Variants in UBA1 observed in about 807,000 individuals in gnomAD.
UBA1 encodes the protein ubiquitin-like modifier-activating enzyme 1.
A neutral mutation model predicts 84.7 loss-of-function variants in UBA1; 4 were observed. The observed-to-expected ratio is 0.05, with a 90% CI of 0.02 to 0.11. UBA1 has a LOEUF of 0.11. UBA1 is among the 10% of genes least tolerant of loss of function. The probability of loss-of-function intolerance (pLI) is 1.00; values close to 1 mark genes in which losing one functional copy is unlikely to be tolerated. For missense variants in UBA1, 513 were observed against 902.8 expected (o/e 0.57, Z 5.53); for synonymous variants, 364 against 362.6 (o/e 1.00, Z -0.04).
intron 1 of UBA1, among the ~76,000 whole-genome samples, chrX:47,195,651 C>T (rs1556785290): frequency 9.0e-6 from 1 of 111,258 alleles, no homozygotes; most frequent in Non-Finnish European, 1.9e-5. Flanking sequence ...AAACCCAACC[C>T]CATTTGGGGA....
chrX:47,198,117 C>A (rs1229041954), intron 1 of UBA1: 21 of 910,045 alleles, frequency 2.3e-5, no homozygotes, highest in Non-Finnish European at 2.8e-5. Context: ...AAGCTGGGGG[C>A]AGGGTTGGGC....
At position 47,204,139 on chromosome X, in the gene UBA1, G is replaced by GT. The variant is rs55829376; in HGVS notation, c.1575+471dup. Reference sequence around the variant, plus strand: ...TTGGCCTTTCTTTCCCTCAGCTTCTGTTTTTTTTTTTTTTTTTTTTTTTTT... The same window carrying GT: ...TTGGCCTTTCTTTCCCTCAGCTTCTGTTTTTTTTTTTTTTTTTTTTTTTTTT... On this transcript the variant is annotated intron_variant, in intron 14 of 25. Transcript: ENST00000335972. Among the ~76,000 whole-genome samples the GT allele has an allele frequency of 9.7e-3, 163 of 16,877 alleles. 29 individuals are homozygous for GT. Among genetic ancestry groups the GT allele is most frequent in the African/African-American group, 0.024 (93 of 3,862 alleles). The allele number at this position is 16,877 out of a possible 115,157, so 14.7% of individuals were successfully genotyped here.
chrX:47,200,365 A>G (rs1184216192), intron 5 of UBA1, among the ~76,000 whole-genome samples: 2 of 112,362 alleles, frequency 1.8e-5, no homozygotes, highest in African/African-American at 6.5e-5. Flanking sequence ...TCCAGGCCGG[A>G]AAGAGGTGCT....
rs1556786569 is a variant in UBA1 at position 47,199,126 on chromosome X, G to T, written c.176+20G>T. 1 of 1,212,478 alleles carries T rather than the reference G, an allele frequency of 8.2e-7. No homozygotes were observed. The highest frequency in any genetic ancestry group is 1.1e-6 in the Non-Finnish European group (1 of 895,648). ...GCAGCTGTAAGTGGGGCCAAGGCCG[G>T]GCTGAGGGGTGTGGAATGGGACATT... On this transcript the variant is annotated intron_variant, in intron 3 of 25. Coordinates refer to ENST00000335972, the MANE Select transcript of UBA1 (RefSeq NM_003334.4).
intron 1 of UBA1, among the ~76,000 whole-genome samples, chrX:47,195,381 C>A (rs1936167733): frequency 9.0e-6 from 1 of 111,464 alleles, no homozygotes; most frequent in Non-Finnish European, 1.9e-5. Flanking sequence ...TCCCGAGTAG[C>A]TGGGATTACA....
intron 18 of UBA1, 138 bp downstream of exon 18, chrX:47,210,261 T>C (rs1936865388): frequency 1.4e-6 from 1 of 730,120 alleles, no homozygotes; most frequent in Non-Finnish European, 2.1e-6. Context: ...TGATTGATCC[T>C]GACCTGCTTT....
At chrX:47,197,269 G>A in intron 1 of UBA1, 1 of 754,852 alleles carries the variant, frequency 1.3e-6, no homozygotes, top group Non-Finnish European at 1.6e-6. Context: ...GAGTGAATGG[G>A]GTTCTCTAAG....
intron 16 of UBA1, among the ~76,000 whole-genome samples, chrX:47,207,970 C>T (rs1936741289): frequency 8.9e-6 from 1 of 112,270 alleles, no homozygotes; most frequent in African/African-American, 3.2e-5. Flanking sequence ...GTAGGTATCA[C>T]TGTTGTAACA....
At chrX:47,199,169 T>G (rs782615399) in intron 3 of UBA1, 40 bp from the exon 4 acceptor site, 5 of 1,210,420 alleles carry the variant, frequency 4.1e-6, no homozygotes, top group Non-Finnish European at 5.6e-6. Context: ...TAAGGTTGGG[T>G]GGGGCAGGCC....
intron 16 of UBA1, chrX:47,208,548 G>T (rs1556792165): frequency 9.0e-6 from 1 of 111,465 alleles, no homozygotes; most frequent in Non-Finnish European, 1.9e-5. Flanking sequence ...TTAAAAAACT[G>T]TGGTAAGATA....
In UBA1 at chrX:47,214,572, G is replaced by A. The variant is rs73486233; in HGVS notation, c.2976G>A (p.Gln992=). 8.3e-7 allele frequency: 1 copy of A among 1,209,434 alleles called. No individual in the cohort carries two copies. Among genetic ancestry groups the A allele is most frequent in the African/African-American group, 1.8e-5 (1 of 57,055 alleles). ...EHKLEITMLS[Q]GVSMLYSFFM... Reference sequence around the variant, plus strand: ...AATTAGAGATCACCATGCTGTCCCAGGGCGTGTCCATGCTCTATTCCTTCT... The same window carrying A: ...AATTAGAGATCACCATGCTGTCCCAAGGCGTGTCCATGCTCTATTCCTTCT... Residue 992 remains glutamine, a synonymous_variant, in exon 25 of 26, where the codon CAG becomes CAA. Coordinates refer to ENST00000335972, the MANE Select transcript of UBA1 (RefSeq NM_003334.4).
rs1936856047 is a variant in UBA1, at chrX:47,210,015, G to A, written c.2091G>A (p.Leu697=). Residue 697 remains leucine (L), a synonymous_variant, in exon 18 of 26, where the codon CTG becomes CTA. Coordinates refer to ENST00000335972, the MANE Select transcript of UBA1 (RefSeq NM_003334.4). Reference sequence around the variant, plus strand: ...AGGCTGTGCAGCGCAGCCTGGTGCTGCAGCGACCACAGACCTGGGCTGACT... The same window carrying A: ...AGGCTGTGCAGCGCAGCCTGGTGCTACAGCGACCACAGACCTGGGCTGACT... ...VLEAVQRSLV[L]QRPQTWADCV... 1.6e-6 allele frequency: 2 copies of A among 1,212,236 alleles called. No homozygotes were observed. The highest frequency in any genetic ancestry group is 3.5e-5 in the South Asian group (2 of 57,034).
Position 47,212,476 on chromosome X carries a change from C to A in UBA1, c.2517C>A (p.Leu839=), listed in dbSNP as rs782184171. The A allele has an allele frequency of 9.9e-6, 12 of 1,209,043 alleles. No homozygotes were observed. The highest frequency in any genetic ancestry group is 1.3e-5 in the Non-Finnish European group (12 of 894,660). Residue 839 remains leucine, a synonymous_variant, in exon 21 of 26, where the codon CTC becomes CTA. Transcript: ENST00000335972. ...LKATLPSPDK[L]PGFKMYPIDF... ...CCACTCTGCCCAGCCCAGACAAGCT[C>A]CCTGGATTCAAGATGTACCCCATTG...
chrX:47,191,667 C>G (rs1285388466), upstream of UBA1: 1 of 112,062 alleles, frequency 8.9e-6, no homozygotes, highest in African/African-American at 3.2e-5. Context: ...ATCAGCGTGC[C>G]GAAGGGACGT....
chrX:47,208,272 C>CGTGTGTGT (rs144601357), intron 16 of UBA1, among the ~76,000 whole-genome samples: 1 of 106,441 alleles, frequency 9.4e-6, no homozygotes, highest in African/African-American at 3.4e-5. Context: ...AGTGTCTGTA[C>CGTGTGTGT]GTGTGTGTGT....
At position 47,211,028 on chromosome X, in the gene UBA1, T is replaced by C; in HGVS notation, c.2275-8T>C. 8.3e-7 allele frequency: 1 copy of C among 1,211,412 alleles called. No homozygotes were observed. Among genetic ancestry groups the C allele is most frequent in the Non-Finnish European group, 1.1e-6 (1 of 895,382 alleles). On this transcript the variant is annotated splice_polypyrimidine_tract_variant and splice_region_variant and intron_variant, in intron 19 of 25. Transcript: ENST00000335972. ...GTGCTCACCCTTCCCTGCCCTGCCT[T>C]CTCCTAGCCCCTGCATCTGGACTAT... is the stretch of plus-strand genomic sequence containing the variant.
At chrX:47,212,387 G>A (rs1014272004) in intron 20 of UBA1, 37 bp from the exon 21 acceptor site, 2 of 1,050,418 alleles carry the variant, frequency 1.9e-6, no homozygotes, top group African/African-American at 1.8e-5. Flanking sequence ...CTTAGCCTGG[G>A]ATCTAAAGGG....
At chrX:47,211,345 AC>A in intron 20 of UBA1, 120 bp downstream of exon 20, 1 of 817,926 alleles carries the variant, frequency 1.2e-6, no homozygotes. Context: ...CCTGAGGTTT[AC>A]CCACACCTTC....
chrX:47,206,067 C>G lies in UBA1; in HGVS notation c.1695C>G (p.Phe565Leu), dbSNP rs782804501. The G allele has an allele frequency of 8.3e-7, 1 of 1,205,387 alleles. No individual in the cohort carries two copies. Among genetic ancestry groups the G allele is most frequent in the Non-Finnish European group, 1.1e-6 (1 of 892,321 alleles). Residue 565 changes from phenylalanine to leucine, a missense_variant, in exon 15 of 26, where the codon TTC (phenylalanine) becomes TTG (leucine). Around this residue, in one of 6 missense-constraint regions of UBA1, gnomAD observed 55 missense variants for 104.8 expected, o/e 0.52. Transcript: ENST00000335972. ...AGCGCATCTATGATGACGATTTTTT[C>G]CAAAACCTAGATGGCGTGGCCAATG... Reference protein sequence around the residue: ...DTERIYDDDFFQNLDGVANAL... With the variant: ...DTERIYDDDFLQNLDGVANAL...
Sources: allele counts gnomAD v4.1 joint callset (sites outside exome capture counted in the v4.1 genomes callset), GRCh38; gene constraint gnomAD v4.1.1; regional missense constraint gnomAD v4.1.1; transcripts MANE v1.5; gene names NCBI Gene and HGNC (gene_info 2026-07-23, HGNC 2026-07-21).